PARD3: variants seen among roughly 807,000 people sequenced by gnomAD.
PARD3 encodes par-3 family cell polarity regulator, also known as partitioning defective 3 homolog.
In PARD3, 75 loss-of-function variants were observed where a neutral mutation model predicts 155.4. That is an observed-to-expected ratio of 0.48 (90% CI 0.40 to 0.58). PARD3 has a LOEUF of 0.58. Among genes scored for constraint, PARD3 ranks in the 20% least tolerant of loss-of-function variants. The probability of loss-of-function intolerance (pLI) is 0.00; values close to 1 mark genes in which losing one functional copy is unlikely to be tolerated. For synonymous variants in PARD3, 576 were observed against 610.5 expected (o/e 0.94, Z 0.83); for missense variants, 1,642 against 1,721.7 (o/e 0.95, Z 0.82).
intron 22 of PARD3, among the ~76,000 whole-genome samples, chr10:34,153,746 C>A (rs982163321): frequency 6.6e-6 from 1 of 152,186 alleles, no homozygotes; most frequent in African/African-American, 2.4e-5. Flanking sequence ...AGACAAAACA[C>A]CAAAGTGAAC....
At chr10:34,660,650 T>C (rs1282153692) in intron 2 of PARD3, among the ~76,000 whole-genome samples, 2 of 152,064 alleles carry the variant, frequency 1.3e-5, no homozygotes, top group African/African-American at 4.8e-5. Context: ...CTGACCTGAA[T>C]GCACACCAAC....
chr10:34,538,468 T>C (rs138242121), intron 2 of PARD3, among the ~76,000 whole-genome samples: 3 of 152,298 alleles, frequency 2.0e-5, no homozygotes, highest in African/African-American at 4.8e-5. Context: ...GTCTGAATCA[T>C]AGAAATTGAA....
At chr10:34,600,282 T>C (rs768929431) in intron 2 of PARD3, among the ~76,000 whole-genome samples, 5 of 151,980 alleles carry the variant, frequency 3.3e-5, no homozygotes, top group African/African-American at 7.3e-5. Flanking sequence ...GAGATGGTGG[T>C]TGCAGTGAGC....
At chr10:34,200,105 C>T (rs1352886811) in intron 22 of PARD3, among the ~76,000 whole-genome samples, 1 of 151,340 alleles carries the variant, frequency 6.6e-6, no homozygotes, top group Non-Finnish European at 1.5e-5. Context: ...AAATAACAAT[C>T]ATAATCACAA....
At chr10:34,533,789 G>A (rs1316719878) in intron 2 of PARD3, among the ~76,000 whole-genome samples, 2 of 151,694 alleles carry the variant, frequency 1.3e-5, no homozygotes, top group African/African-American at 2.4e-5. Flanking sequence ...CTGGGTGACA[G>A]AGCAAGACTC....
intron 5 of PARD3, among the ~76,000 whole-genome samples, chr10:34,442,560 T>C (rs939255356): frequency 1.3e-5 from 2 of 151,988 alleles, no homozygotes; most frequent in East Asian, 3.9e-4. Flanking sequence ...AGGCCTCACA[T>C]TCGTTAAAAA....
At chr10:34,264,080 T>C (rs2133824156) in intron 22 of PARD3, among the ~76,000 whole-genome samples, 1 of 152,312 alleles carries the variant, frequency 6.6e-6, no homozygotes, top group South Asian at 2.1e-4. Context: ...TTTTTAACTT[T>C]AGATAGTGCA....
chr10:34,656,969 T>C (rs1361369038), intron 2 of PARD3, among the ~76,000 whole-genome samples: 1 of 152,206 alleles, frequency 6.6e-6, no homozygotes, highest in African/African-American at 2.4e-5. Flanking sequence ...CATTCAACAC[T>C]GTGCCTAAGG....
intron 1 of PARD3, among the ~76,000 whole-genome samples, chr10:34,787,360 C>A (rs139346593): frequency 1.2e-3 from 180 of 152,314 alleles, no homozygotes; most frequent in Non-Finnish European, 2.2e-3. Flanking sequence ...GCCTGGGCAA[C>A]AGAGTGAGAC....
At chr10:34,268,130 G>T (rs1348925122) in intron 22 of PARD3, among the ~76,000 whole-genome samples, 2 of 131,376 alleles carry the variant, frequency 1.5e-5, no homozygotes, top group African/African-American at 6.5e-5. Flanking sequence ...ACAAATGAAA[G>T]AGCGGGAAAA....
chr10:34,803,402 C>G (rs1230523145), intron 1 of PARD3, among the ~76,000 whole-genome samples: 1 of 152,086 alleles, frequency 6.6e-6, no homozygotes, highest in Non-Finnish European at 1.5e-5. Flanking sequence ...AGCAAAATAC[C>G]CATCACCAAA....
chr10:34,425,310 G>A (rs117439994), intron 5 of PARD3, among the ~76,000 whole-genome samples: 2,630 of 152,066 alleles, frequency 0.017, 39 homozygotes, highest in South Asian at 0.025. Context: ...TTATACATTT[G>A]GATACTTTCA....
chr10:34,632,769 C>A (rs1246234654), intron 2 of PARD3, among the ~76,000 whole-genome samples: 5 of 152,204 alleles, frequency 3.3e-5, no homozygotes, highest in Non-Finnish European at 5.9e-5. Context: ...CCCAGCAAGT[C>A]TTACCTTCAT....
intron 2 of PARD3, among the ~76,000 whole-genome samples, chr10:34,577,354 T>C (rs553529336): frequency 1.5e-4 from 23 of 152,346 alleles, no homozygotes; most frequent in African/African-American, 5.5e-4. Flanking sequence ...TATGTCCATT[T>C]ATATGCTGTA....
At chr10:34,553,937 C>T (rs2084794189) in intron 2 of PARD3, among the ~76,000 whole-genome samples, 1 of 152,202 alleles carries the variant, frequency 6.6e-6, no homozygotes, top group African/African-American at 2.4e-5. Context: ...AATTTTACTG[C>T]TAGACTAGTG....
intron 3 of PARD3, among the ~76,000 whole-genome samples, chr10:34,513,203 A>G (rs1199349782): frequency 6.6e-6 from 1 of 152,208 alleles, no homozygotes; most frequent in African/African-American, 2.4e-5. Flanking sequence ...TCCAACCTCA[A>G]ATATACAGAA....
At chr10:34,459,814 G>A (rs1233348488) in intron 4 of PARD3, among the ~76,000 whole-genome samples, 1 of 152,034 alleles carries the variant, frequency 6.6e-6, no homozygotes. Context: ...GTCTGACAAT[G>A]TAAGATAATT....
intron 20 of PARD3, among the ~76,000 whole-genome samples, chr10:34,296,418 A>C (rs1342218654): frequency 6.6e-6 from 1 of 152,132 alleles, no homozygotes; most frequent in Non-Finnish European, 1.5e-5. Context: ...TTTTGTAGAG[A>C]CAAGGTCTTG....
intron 22 of PARD3, among the ~76,000 whole-genome samples, chr10:34,139,775 A>T (rs973385980): frequency 6.6e-6 from 1 of 152,224 alleles, no homozygotes; most frequent in Non-Finnish European, 1.5e-5. Flanking sequence ...GACTGTCAGC[A>T]TGACAAAGTG....
Sources: gnomAD v4.1 joint callset for allele counts (sites outside exome capture counted in the v4.1 genomes callset) on GRCh38, gnomAD v4.1.1 for gene constraint, MANE v1.5 for transcripts, NCBI Gene and HGNC (gene_info 2026-07-23, HGNC 2026-07-21) for gene names.